PRRC2C: variants seen among roughly 807,000 people sequenced by gnomAD.
PRRC2C encodes proline rich coiled-coil 2C, also known as protein PRRC2C.
PRRC2C carries 72 observed loss-of-function variants against 317.2 expected under a neutral mutation model. That is an observed-to-expected ratio of 0.23 (90% CI 0.19 to 0.28). The LOEUF is 0.28. Among genes scored for constraint, PRRC2C ranks in the 10% least tolerant of loss-of-function variants. The probability of loss-of-function intolerance (pLI) is 1.00; values close to 1 mark genes in which losing one functional copy is unlikely to be tolerated. For synonymous variants in PRRC2C, 1,296 were observed against 1,205.9 expected, an observed-to-expected ratio of 1.07 and a Z score of -1.55; for missense variants, 3,074 against 3,459.7, an observed-to-expected ratio of 0.89 and a Z score of 2.80.
At position 171,540,588 on chromosome 1, in the gene PRRC2C, C is replaced by T. The variant is rs755976561; in HGVS notation, c.3122C>T (p.Ala1041Val). 17 of 1,613,746 alleles carry T rather than the reference C, an allele frequency of 1.1e-5. No individual in the cohort carries two copies. Among genetic ancestry groups the T allele is most frequent in the Non-Finnish European group, 1.4e-5 (17 of 1,179,838 alleles). ...EQRKEKEGEK[A>V]EKVTEKVVVK... Reference sequence around the variant, plus strand: ...AGGAAGGAGAAAGAAGGAGAAAAGGCCGAAAAGGTCACTGAAAAAGTAGTT... The same window carrying T: ...AGGAAGGAGAAAGAAGGAGAAAAGGTCGAAAAGGTCACTGAAAAAGTAGTT... Residue 1041 changes from alanine to valine, a missense_variant, in exon 16 of 35, where the codon GCC (alanine) becomes GTC (valine). Physicochemically the swap from Ala to Val is moderately conservative, Grantham distance 64. Coordinates refer to ENST00000647382, the MANE Select transcript of PRRC2C (RefSeq NM_001387844.1).
intron 1 of PRRC2C, among the ~76,000 whole-genome samples, chr1:171,489,828 A>C (rs1666783063): frequency 6.6e-6 from 1 of 152,216 alleles, no homozygotes; most frequent in African/African-American, 2.4e-5. Context: ...TAAATCATTC[A>C]CAATTTCTGC....
At chr1:171,495,751 G>A (rs1667975359) in intron 1 of PRRC2C, among the ~76,000 whole-genome samples, 1 of 152,182 alleles carries the variant, frequency 6.6e-6, no homozygotes, top group African/African-American at 2.4e-5. Context: ...GGGCAATTTA[G>A]TTAAAATTTG....
intron 6 of PRRC2C, among the ~76,000 whole-genome samples, chr1:171,520,183 G>C (rs1037791957): frequency 5.3e-5 from 8 of 152,088 alleles, no homozygotes; most frequent in African/African-American, 9.7e-5. Flanking sequence ...GGCTAGTCTC[G>C]ATCTCCTGAC....
chr1:171,517,586 A>G lies in PRRC2C; in HGVS notation c.527-5A>G. 6.2e-7 allele frequency: 1 copy of G among 1,610,840 alleles called. No individual in the cohort carries two copies. The highest frequency in any genetic ancestry group is 8.5e-7 in the Non-Finnish European group (1 of 1,178,374). ...TTTTTCCTTTTTTCTCTGCCTTCAT[A>G]CTAGATGTTGCTTGTTGGAGAGATG... is the stretch of plus-strand genomic sequence containing the variant. On this transcript the variant is annotated splice_region_variant and splice_polypyrimidine_tract_variant and intron_variant, in intron 5 of 34. Coordinates refer to ENST00000647382, the MANE Select transcript of PRRC2C (RefSeq NM_001387844.1).
intron 26 of PRRC2C, among the ~76,000 whole-genome samples, chr1:171,578,767 C>G (rs1475292158): frequency 6.6e-6 from 1 of 151,832 alleles, no homozygotes; most frequent in Non-Finnish European, 1.5e-5. Context: ...AGCTGAGGCA[C>G]AAGAATCGCT....
At chr1:171,534,474 T>C (rs76220997) in intron 12 of PRRC2C, among the ~76,000 whole-genome samples, 52 of 145,578 alleles carry the variant, frequency 3.6e-4, no homozygotes, top group Middle Eastern at 3.5e-3. Context: ...GATTTTTTTT[T>C]CCCCCCTCAA....
At chr1:171,534,965 T>C (rs1374691103) in intron 12 of PRRC2C, among the ~76,000 whole-genome samples, 2 of 152,210 alleles carry the variant, frequency 1.3e-5, no homozygotes, top group Non-Finnish European at 2.9e-5. Flanking sequence ...TTAAACTCAT[T>C]AGTTTTCCTT....
rs764622822 is a variant in PRRC2C, at chr1:171,532,809, A to G, written c.1721A>G (p.Glu574Gly). The G allele has an allele frequency of 6.3e-7, 1 of 1,582,658 alleles. No individual in the cohort carries two copies. The highest frequency in any genetic ancestry group is 8.6e-7 in the Non-Finnish European group (1 of 1,167,044). The stretch of plus-strand genomic sequence containing the variant: ...GAAAAAGAACTAGAACGGCAGAAAG[A>G]AAAGGAAAAAGAACTACAAAAGATG... ...EKEKELERQK[E>G]KEKELQKMKE... Residue 574 changes from glutamate (E) to glycine (G), a missense_variant, in exon 12 of 35, where the codon GAA becomes GGA. By Grantham distance (98) the Glu-to-Gly change is moderately conservative (BLOSUM62 -2). Transcript: ENST00000647382.
At chr1:171,525,148 T>C (rs775339763) in intron 10 of PRRC2C, among the ~76,000 whole-genome samples, 183 bp downstream of exon 10, 1 of 152,224 alleles carries the variant, frequency 6.6e-6, no homozygotes, top group Admixed American at 6.5e-5. Flanking sequence ...ACCGGAATTA[T>C]CAATACAGTA....
chr1:171,502,884 G>C (rs550771414), intron 1 of PRRC2C, among the ~76,000 whole-genome samples: 333 of 152,034 alleles, frequency 2.2e-3, no homozygotes, highest in African/African-American at 7.8e-3. Flanking sequence ...CCACACACCC[G>C]GCTAGTTTTT....
At chr1:171,536,398 A>C in intron 14 of PRRC2C, 120 bp downstream of exon 14, 1 of 1,151,482 alleles carries the variant, frequency 8.7e-7, no homozygotes, top group Non-Finnish European at 1.2e-6. Context: ...TTTTAATCAA[A>C]ATGATGTAAC....
chr1:171,530,539 T>C (rs1675631010), intron 11 of PRRC2C, among the ~76,000 whole-genome samples: 1 of 152,100 alleles, frequency 6.6e-6, no homozygotes, highest in East Asian at 1.9e-4. Flanking sequence ...AGCCACCGTG[T>C]CTAGCCTGGG....
At chr1:171,522,103 T>TG (rs1673688345) in intron 6 of PRRC2C, 74 bp from the exon 7 acceptor site, 1 of 665,486 alleles carries the variant, frequency 1.5e-6, no homozygotes, top group Non-Finnish European at 2.4e-6. Context: ...TAGGCTCAGA[T>TG]TTATATATAT....
chr1:171,592,570 G>C lies in PRRC2C; in HGVS notation c.*723G>C, dbSNP rs887273821. The C allele has an allele frequency of 6.6e-6, 1 of 152,202 alleles. No individual in the cohort carries two copies. Among genetic ancestry groups the C allele is most frequent in the Non-Finnish European group, 1.5e-5 (1 of 68,062 alleles). 9.4% of individuals were successfully genotyped at this position (152,202 alleles called of 1,614,324 possible). ...TGGTTGTGGTCTGAAGCTTTGAAGCGCTACTTAGCATCTCCTTTCTTCCAT... is the reference window on the plus strand; with the variant it reads ...TGGTTGTGGTCTGAAGCTTTGAAGCCCTACTTAGCATCTCCTTTCTTCCAT... On this transcript the variant is annotated 3_prime_UTR_variant, in exon 35 of 35. Coordinates refer to ENST00000647382, the MANE Select transcript of PRRC2C (RefSeq NM_001387844.1).
intron 1 of PRRC2C, among the ~76,000 whole-genome samples, chr1:171,489,637 C>T (rs1262335049): frequency 6.6e-6 from 1 of 152,156 alleles, no homozygotes; most frequent in Non-Finnish European, 1.5e-5. Flanking sequence ...TAAACTAAGA[C>T]TATTTTTTGA....
At chr1:171,518,382 C>G (rs1672785338) in intron 6 of PRRC2C, among the ~76,000 whole-genome samples, 1 of 150,676 alleles carries the variant, frequency 6.6e-6, no homozygotes, top group Non-Finnish European at 1.5e-5. Flanking sequence ...ATTCATCAGA[C>G]TGCCAAAGGG....
intron 3 of PRRC2C, 92 bp downstream of exon 3, chr1:171,513,264 G>A: frequency 2.3e-6 from 3 of 1,277,176 alleles, no homozygotes; most frequent in Non-Finnish European, 2.2e-6. Flanking sequence ...GTGTTATGCT[G>A]TCTGTATTAC....
rs1676045227 is a variant in PRRC2C, at chr1:171,532,365, C to A, written c.1277C>A (p.Ala426Glu). Reference protein sequence around the residue: ...AQQHPPPDRQAVPGRPGPFPS... With the variant: ...AQQHPPPDRQEVPGRPGPFPS... ...CAGCATCCACCTCCAGATCGACAGG[C>A]AGTACCTGGAAGACCAGGCCCCTTT... The change falls in exon 12 of 35, where the codon GCA becomes GAA. Residue 426 changes from alanine (A) to glutamate (E), a missense_variant. Physicochemically the swap from Ala to Glu is moderately radical, Grantham distance 107. Around this residue, in one of 11 missense-constraint regions of PRRC2C, gnomAD observed 1,320 missense variants for 1,395.7 expected, o/e 0.95. Coordinates refer to ENST00000647382, the MANE Select transcript of PRRC2C (RefSeq NM_001387844.1). 1 of 1,612,822 alleles carries A rather than the reference C, an allele frequency of 6.2e-7. No homozygotes were observed. The highest frequency in any genetic ancestry group is 8.5e-7 in the Non-Finnish European group (1 of 1,179,516).
intron 20 of PRRC2C, among the ~76,000 whole-genome samples, chr1:171,563,402 T>A (rs1429567545): frequency 6.6e-6 from 1 of 152,194 alleles, no homozygotes; most frequent in Non-Finnish European, 1.5e-5. Flanking sequence ...AAGAACAGTC[T>A]GTTCTTGTAT....
Sources: gnomAD v4.1 joint callset for allele counts (sites outside exome capture counted in the v4.1 genomes callset) on GRCh38, gnomAD v4.1.1 for gene constraint, gnomAD v4.1.1 regional missense constraint, MANE v1.5 for transcripts, NCBI Gene and HGNC (gene_info 2026-07-23, HGNC 2026-07-21) for gene names.